Variants in LAMA1 observed in about 807,000 individuals in gnomAD.
The protein encoded by LAMA1 is laminin subunit alpha-1.
Under a neutral mutation model 348.7 loss-of-function variants are expected in LAMA1, and 219 were observed. That is an observed-to-expected ratio of 0.63 (90% CI 0.56 to 0.70). LAMA1 has a LOEUF of 0.70. Ranked by LOEUF, LAMA1 falls within the 30% of genes least tolerant of loss-of-function variation. The pLI, the probability that LAMA1 is intolerant of heterozygous loss-of-function variation, is 0.00. For missense variants in LAMA1, 3,744 were observed against 3,888.0 expected (o/e 0.96, Z 0.99); for synonymous variants, 1,487 against 1,491.0 (o/e 1.00, Z 0.06).
chr18:6,956,360 CCTTATAGAAGCT>C (rs2057577685), intron 56 of LAMA1: 4 of 588,516 alleles, frequency 6.8e-6, no homozygotes, highest in Non-Finnish European at 3.2e-6. Context: ...GATAATGAGT[CCTTATAGAAGCT>C]CTGCCAAAAG....
chr18:7,022,715 G>A (rs1211538219), intron 19 of LAMA1, among the ~76,000 whole-genome samples: 1 of 152,136 alleles, frequency 6.6e-6, no homozygotes, highest in Non-Finnish European at 1.5e-5. Flanking sequence ...GGCACAGAGG[G>A]CTAAGATGCA....
intron 3 of LAMA1, among the ~76,000 whole-genome samples, chr18:7,054,664 G>A (rs2058074548): frequency 1.3e-5 from 2 of 151,848 alleles, no homozygotes; most frequent in Admixed American, 6.6e-5. Flanking sequence ...TGAACAACAC[G>A]GGTTTAAACT....
chr18:7,108,212 T>TGA (rs1252225618), intron 1 of LAMA1, among the ~76,000 whole-genome samples: 2 of 151,856 alleles, frequency 1.3e-5, no homozygotes, highest in Non-Finnish European at 2.9e-5. Flanking sequence ...GGTGTGTGCC[T>TGA]GTAGTCCCAG....
chr18:7,071,249 T>C (rs2058144717), intron 3 of LAMA1, among the ~76,000 whole-genome samples: 1 of 152,234 alleles, frequency 6.6e-6, no homozygotes, highest in Non-Finnish European at 1.5e-5. Flanking sequence ...TGTGACCTGC[T>C]TACTCTGTGC....
At chr18:7,095,540 G>T (rs2058257626) in intron 1 of LAMA1, among the ~76,000 whole-genome samples, 1 of 152,156 alleles carries the variant, frequency 6.6e-6, no homozygotes. Context: ...GAAGAAGGCT[G>T]GCAAGTTTAA....
At chr18:7,071,156 G>A (rs951497434) in intron 3 of LAMA1, among the ~76,000 whole-genome samples, 6 of 152,222 alleles carry the variant, frequency 3.9e-5, no homozygotes, top group Non-Finnish European at 7.3e-5. Flanking sequence ...CAAGGAGACA[G>A]CGTGGCATGG....
In LAMA1 at chr18:7,046,335, T is replaced by C. The variant is rs774772608; in HGVS notation, c.801A>G (p.Gly267=). 6.2e-7 allele frequency: 1 copy of C among 1,610,368 alleles called. No individual in the cohort carries two copies. The highest frequency in any genetic ancestry group is 8.5e-7 in the Non-Finnish European group (1 of 1,177,482). The change falls in exon 6 of 63, where the codon GGA becomes GGG. Residue 267 remains glycine, a synonymous_variant. Coordinates refer to ENST00000389658, the MANE Select transcript of LAMA1 (RefSeq NM_005559.4). ...YYYSIKDISV[G]GMCICYGHAS... The stretch of plus-strand genomic sequence containing the variant: ...CATGGCCATAGCAGATACACATGCC[T>C]CCAACAGAAATGTCCTTTATTGAAT...
At chr18:7,011,507 A>C in intron 24 of LAMA1, 28 bp from the exon 25 acceptor site, 1 of 1,579,326 alleles carries the variant, frequency 6.3e-7, no homozygotes, top group Non-Finnish European at 8.6e-7. Context: ...GGGAAAGTGC[A>C]CTTCAAAATG....
intron 16 of LAMA1, among the ~76,000 whole-genome samples, chr18:7,027,098 C>T (rs1190893189): frequency 6.6e-6 from 1 of 151,992 alleles, no homozygotes; most frequent in Non-Finnish European, 1.5e-5. Flanking sequence ...TAAAATTCAA[C>T]ATCTGATCCT....
At chr18:6,996,254 G>A (rs985629593) in intron 33 of LAMA1, among the ~76,000 whole-genome samples, 1 of 151,984 alleles carries the variant, frequency 6.6e-6, no homozygotes, top group East Asian at 1.9e-4. Context: ...ATAGAGAAAA[G>A]ACCACTGCAA....
chr18:7,026,524 T>C (rs1230741732), intron 16 of LAMA1, among the ~76,000 whole-genome samples: 1 of 152,122 alleles, frequency 6.6e-6, no homozygotes, highest in Non-Finnish European at 1.5e-5. Context: ...AGTGGAAAAA[T>C]TGACCAACAC....
chr18:7,009,563 C>T (rs1268421235), intron 26 of LAMA1, among the ~76,000 whole-genome samples, 197 bp from the exon 27 acceptor site: 1 of 152,170 alleles, frequency 6.6e-6, no homozygotes, highest in Non-Finnish European at 1.5e-5. Flanking sequence ...AATAGATATG[C>T]ATTACCTAAG....
At chr18:7,002,468 C>T (rs1319060997) in intron 29 of LAMA1, 83 bp from the exon 30 acceptor site, 1 of 1,385,700 alleles carries the variant, frequency 7.2e-7, no homozygotes, top group African/African-American at 1.4e-5. Context: ...TAAGCACTGC[C>T]ACGTTTTATA....
chr18:7,014,054 G>A lies in LAMA1; in HGVS notation c.3127-3C>T, dbSNP rs1220223719. 8 of 1,611,082 alleles carry A rather than the reference G, an allele frequency of 5.0e-6. No individual in the cohort carries two copies. Among genetic ancestry groups the A allele is most frequent in the South Asian group, 1.1e-5 (1 of 90,920 alleles). On this transcript the variant is annotated splice_region_variant and splice_polypyrimidine_tract_variant and intron_variant, in intron 22 of 62. Transcript: ENST00000389658. Reference sequence around the variant, plus strand: ...CCCACGAGACTGCAATTGCAGGCCTGAGAGAAGGGAAAACCAACTCAATTA... The same window carrying A: ...CCCACGAGACTGCAATTGCAGGCCTAAGAGAAGGGAAAACCAACTCAATTA...
Position 6,999,557 on chromosome 18 carries a change from G to C in LAMA1, c.4551C>G (p.Val1517=). 6.2e-7 allele frequency: 1 copy of C among 1,614,140 alleles called. No individual in the cohort carries two copies. The highest frequency in any genetic ancestry group is 8.5e-7 in the Non-Finnish European group (1 of 1,180,024). Residue 1517 remains valine, a synonymous_variant, in exon 32 of 63, where the codon GTC becomes GTG. Coordinates refer to ENST00000389658, the MANE Select transcript of LAMA1 (RefSeq NM_005559.4). ...CAGATGTGCGGTCACAGTCACCGTG[G>C]ACAGAGCCGTGCGGGTTGCAGTCAC... The part of the protein sequence containing the change: ...QKCDCNPHGS[V]HGDCDRTSGQ...
At chr18:7,094,267 A>G (rs2058251353) in intron 1 of LAMA1, among the ~76,000 whole-genome samples, 2 of 151,844 alleles carry the variant, frequency 1.3e-5, no homozygotes, top group South Asian at 4.2e-4. Flanking sequence ...TATTAAAAAT[A>G]CAAAAAATGA....
Position 7,023,385 on chromosome 18 carries a change from A to G in LAMA1, c.2490-10T>C. On this transcript the variant is annotated splice_polypyrimidine_tract_variant and intron_variant, in intron 18 of 62. Coordinates refer to ENST00000389658, the MANE Select transcript of LAMA1 (RefSeq NM_005559.4). ...GTAACCATCTGCACATCTGTATCAA[A>G]GATTGAAAGTGGGATCAGACAAATG... 3.1e-6 allele frequency: 5 copies of G among 1,612,284 alleles called. No homozygotes were observed. The highest frequency in any genetic ancestry group is 3.3e-4 in the Middle Eastern group (2 of 6,056).
In LAMA1 at chr18:7,006,801, G is replaced by T. The variant is rs562146910; in HGVS notation, c.4260+338C>A. On this transcript the variant is annotated intron_variant, in intron 29 of 62. Transcript: ENST00000389658. ...ATCTAACTATAACTAACATAGAAAA[G>T]GTACAGTAAAAACACAGTATTATAG... is the stretch of plus-strand genomic sequence containing the variant. Among the ~76,000 whole-genome samples, 13 of 152,172 alleles carry T rather than the reference G, an allele frequency of 8.5e-5. No individual in the cohort carries two copies. The East Asian group carries it at 1.9e-3, about 23-fold the overall frequency.
chr18:6,991,634 C>T (rs1021823241), intron 36 of LAMA1, among the ~76,000 whole-genome samples: 2 of 152,082 alleles, frequency 1.3e-5, no homozygotes, highest in Non-Finnish European at 2.9e-5. Flanking sequence ...AGATGATCTG[C>T]CCGCCTCAGC....
Sources: gnomAD v4.1 joint callset for allele counts (sites outside exome capture counted in the v4.1 genomes callset) on GRCh38, gnomAD v4.1.1 for gene constraint, MANE v1.5 for transcripts, NCBI Gene and HGNC (gene_info 2026-07-23, HGNC 2026-07-21) for gene names.